The following FAM168B variants were observed in gnomAD, a reference collection of about 807,000 sequenced individuals.
FAM168B encodes family with sequence similarity 168 member B.
A neutral mutation model predicts 21.8 loss-of-function variants in FAM168B; 19 were observed. The ratio of observed to expected loss-of-function variants is 0.87; its 90% confidence interval spans 0.61 to 1.28. The LOEUF (loss-of-function observed/expected upper bound fraction) is 1.28. FAM168B is among the 50% of genes most tolerant of loss of function. The pLI is 0.00. For missense variants in FAM168B, 233 were observed against 263.1 expected (o/e 0.89, Z 0.79); for synonymous variants, 126 against 104.8 (o/e 1.20, Z -1.24).
intron 2 of FAM168B, among the ~76,000 whole-genome samples, chr2:131,078,494 G>A (rs1693274519): frequency 6.6e-6 from 1 of 152,078 alleles, no homozygotes; most frequent in Admixed American, 6.5e-5. Flanking sequence ...GGAGAGAAAG[G>A]GACAAAAACA....
In FAM168B at chr2:131,069,766, G is replaced by A. The variant is rs370725712; in HGVS notation, c.154+2089C>T. Among the ~76,000 whole-genome samples the A allele has an allele frequency of 2.6e-4, 39 of 149,758 alleles. 1 individual carries two copies. Among genetic ancestry groups the A allele is most frequent in the African/African-American group, 8.6e-4 (35 of 40,694 alleles). The stretch of plus-strand genomic sequence containing the variant: ...CCCCGGCCTCCCAAAGTGCTGGGAC[G>A]ACAGGCGTGAGCCACTGCGCCCAGC... On this transcript the variant is annotated intron_variant, in intron 3 of 6. Transcript: ENST00000389915.
chr2:131,056,330 C>T (rs1403268021), intron 3 of FAM168B, among the ~76,000 whole-genome samples: 4 of 152,264 alleles, frequency 2.6e-5, no homozygotes, highest in African/African-American at 9.6e-5. Context: ...AGACATAAAA[C>T]TCACCAAGAA....
Position 131,049,942 on chromosome 2 carries a change from G to A in FAM168B, c.*2523C>T. ...GTTTTGTGACTATTTCCTAAGTCCA[G>A]ATTCTTACCTGATATCTACCTTTCG... is the stretch of plus-strand genomic sequence containing the variant. On this transcript the variant is annotated 3_prime_UTR_variant, in exon 7 of 7. Coordinates refer to ENST00000389915, the MANE Select transcript of FAM168B (RefSeq NM_001009993.4). 1.0e-6 allele frequency: 1 copy of A among 985,526 alleles called. No individual in the cohort carries two copies. 61.0% of individuals were successfully genotyped at this position (985,526 alleles called of 1,614,324 possible).
rs928760963 is a variant in FAM168B, at chr2:131,049,932, C to T, written c.*2533G>A. ...ACCTATGACAGTTTTGTGACTATTT[C>T]CTAAGTCCAGATTCTTACCTGATAT... On this transcript the variant is annotated 3_prime_UTR_variant, in exon 7 of 7. Coordinates refer to ENST00000389915, the MANE Select transcript of FAM168B (RefSeq NM_001009993.4). The T allele has an allele frequency of 1.0e-6, 1 of 985,420 alleles. No homozygotes were observed. Among genetic ancestry groups the T allele is most frequent in the Non-Finnish European group, 1.2e-6 (1 of 829,942 alleles). 61.0% of individuals were successfully genotyped at this position (985,420 alleles called of 1,614,324 possible).
At position 131,052,222 on chromosome 2, in the gene FAM168B, A is replaced by T. The variant is rs1333146853; in HGVS notation, c.*243T>A. On this transcript the variant is annotated 3_prime_UTR_variant, in exon 7 of 7. Transcript: ENST00000389915. ...AATAGATTAATACTCCCTTTTTATC[A>T]TTACAGTTAGCTAAAAAATTGCCAG... The T allele has an allele frequency of 1.0e-6, 1 of 985,742 alleles. No homozygotes were observed. The highest frequency in any genetic ancestry group is 1.7e-5 in the African/African-American group (1 of 57,240). The allele number at this position is 985,742 out of a possible 1,614,324, so 61.1% of individuals were successfully genotyped here.
intron 3 of FAM168B, among the ~76,000 whole-genome samples, chr2:131,067,197 G>A (rs1157112866): frequency 6.6e-6 from 1 of 152,130 alleles, no homozygotes; most frequent in Non-Finnish European, 1.5e-5. Context: ...CTCTTGATGT[G>A]TGCATACACA....
At chr2:131,061,133 G>T (rs1487994562) in intron 3 of FAM168B, among the ~76,000 whole-genome samples, 19 of 144,460 alleles carry the variant, frequency 1.3e-4, no homozygotes, top group Non-Finnish European at 2.4e-4. Context: ...TGACAGGCGT[G>T]AGCCACCGCG....
chr2:131,059,992 T>C (rs1692212778), intron 3 of FAM168B, among the ~76,000 whole-genome samples: 1 of 152,010 alleles, frequency 6.6e-6, no homozygotes, highest in Non-Finnish European at 1.5e-5. Context: ...TATTCCCATG[T>C]ACTTGTGCTT....
rs1691974226 is a variant in FAM168B, at chr2:131,055,575, G to C, written c.275C>G (p.Pro92Arg). 1 of 1,606,188 alleles carries C rather than the reference G, an allele frequency of 6.2e-7. No individual in the cohort carries two copies. Reference protein sequence around the residue: ...TAVYPVRSAYPQQSPYAQQGT... With the variant: ...TAVYPVRSAYRQQSPYAQQGT... ...TACCTGTGCATACGGGCTCTGCTGG[G>C]GGTAGGCACTTCGCACAGGGTACAC... The change falls in exon 4 of 7, where the codon CCC becomes CGC. Residue 92 changes from proline (P) to arginine (R), a missense_variant. Pro to Arg is a moderately radical substitution (Grantham distance 103, BLOSUM62 -2). Transcript: ENST00000389915.
At chr2:131,073,710 T>C (rs1443281897) in intron 2 of FAM168B, among the ~76,000 whole-genome samples, 1 of 152,174 alleles carries the variant, frequency 6.6e-6, no homozygotes, top group African/African-American at 2.4e-5. Context: ...TTTCTGTTCA[T>C]TATCCAGCTT....
intron 2 of FAM168B, among the ~76,000 whole-genome samples, chr2:131,079,471 G>A (rs555936162): frequency 7.9e-5 from 12 of 152,270 alleles, no homozygotes; most frequent in East Asian, 5.8e-4. Context: ...GTGAGACTTC[G>A]TCTCAAAACA....
chr2:131,055,622 G>C lies in FAM168B; in HGVS notation c.228C>G (p.Ser76=), dbSNP rs1573750939. Residue 76 remains serine, a synonymous_variant, in exon 4 of 7, where the codon TCC becomes TCG. Transcript: ENST00000389915. ...TSGAVPPYSS[S]PNPYQTAVYP... Reference sequence around the variant, plus strand: ...ACACGGCAGTCTGGTAGGGGTTCGGGGAGGAGGAGTACGGTGGCACAGCCC... The same window carrying C: ...ACACGGCAGTCTGGTAGGGGTTCGGCGAGGAGGAGTACGGTGGCACAGCCC... 6.2e-7 allele frequency: 1 copy of C among 1,612,372 alleles called. No individual in the cohort carries two copies.
rs865835360 is a variant in FAM168B, at chr2:131,087,212, T to C, written c.-11-4555A>G. ...GGCCAGGCACAGCGGCTCATGCCTG[T>C]AATCCCAGTACTTTTGGAGGCCAAG... On this transcript the variant is annotated intron_variant, in intron 1 of 6. Transcript: ENST00000389915. 3.3e-5 allele frequency among the ~76,000 whole-genome samples: 5 copies of C among 152,256 alleles called. No individual in the cohort carries two copies. In the South Asian group the frequency reaches 6.2e-4, roughly 19 times the overall value.
At chr2:131,057,480 G>C (rs761160276) in intron 3 of FAM168B, among the ~76,000 whole-genome samples, 1 of 152,158 alleles carries the variant, frequency 6.6e-6, no homozygotes, top group Non-Finnish European at 1.5e-5. Context: ...AAATCAGAGG[G>C]GAGAGGGCGA....
chr2:131,084,133 C>T (rs2105577894), intron 1 of FAM168B, among the ~76,000 whole-genome samples: 1 of 151,896 alleles, frequency 6.6e-6, no homozygotes, highest in East Asian at 1.9e-4. Context: ...ATCTCTTGAC[C>T]TCGTGATCCG....
At position 131,049,428 on chromosome 2, in the gene FAM168B, T is replaced by C. The variant is rs964476718; in HGVS notation, c.*3037A>G. ...CACCAAGAAGAACGTTCTTAACAGATGGCTCACGAGAGACATAAAAGGTTC... is the reference window on the plus strand; with the variant it reads ...CACCAAGAAGAACGTTCTTAACAGACGGCTCACGAGAGACATAAAAGGTTC... On this transcript the variant is annotated 3_prime_UTR_variant, in exon 7 of 7. Coordinates refer to ENST00000389915, the MANE Select transcript of FAM168B (RefSeq NM_001009993.4). The C allele has an allele frequency of 3.0e-6, 3 of 985,374 alleles. No individual in the cohort carries two copies. The highest frequency in any genetic ancestry group is 3.6e-6 in the Non-Finnish European group (3 of 829,918). The allele number at this position is 985,374 out of a possible 1,614,324, so 61.0% of individuals were successfully genotyped here.
In FAM168B at chr2:131,071,882, G is replaced by A; in HGVS notation, c.127C>T (p.Pro43Ser). Residue 43 changes from proline (P) to serine (S), a missense_variant, in exon 3 of 7, where the codon CCT becomes TCT. Transcript: ENST00000389915. ...GTTTGGAAGGTAGGATTCGCTCCAG[G>A]ATACATGTTAGGAGAATAGGCAGGA... ...AAPAYSPNMY[P>S]GANPTFQTGY... 1 of 1,614,046 alleles carries A rather than the reference G, an allele frequency of 6.2e-7. No individual in the cohort carries two copies. The highest frequency in any genetic ancestry group is 8.5e-7 in the Non-Finnish European group (1 of 1,179,968).
At chr2:131,062,716 G>C (rs1312470532) in intron 3 of FAM168B, among the ~76,000 whole-genome samples, 1 of 152,146 alleles carries the variant, frequency 6.6e-6, no homozygotes, top group Non-Finnish European at 1.5e-5. Context: ...CCAAAGTGCT[G>C]GGATTACAGG....
Position 131,080,227 on chromosome 2 carries a change from T to C in FAM168B, c.70+2350A>G, listed in dbSNP as rs1304727277. On this transcript the variant is annotated intron_variant, in intron 2 of 6. Transcript: ENST00000389915. ...GCACCAAAAACAGTAAATGTGTGAA[T>C]AAATATAAATGGCTGTTGATTGCAC... Among the ~76,000 whole-genome samples the C allele has an allele frequency of 4.7e-5, 7 of 149,896 alleles. No individual in the cohort carries two copies. In the East Asian group the frequency reaches 1.4e-3, roughly 29 times the overall value.
Sources: gnomAD v4.1 joint callset for allele counts (sites outside exome capture counted in the v4.1 genomes callset) on GRCh38, gnomAD v4.1.1 for gene constraint, MANE v1.5 for transcripts, NCBI Gene and HGNC (gene_info 2026-07-23, HGNC 2026-07-21) for gene names.